Variants in PYGO1 observed in about 807,000 individuals in gnomAD.
PYGO1 encodes pygopus homolog 1.
In PYGO1, 6 loss-of-function variants were observed where a neutral mutation model predicts 29.5. The observed-to-expected ratio is 0.20, with a 90% confidence interval of 0.11 to 0.40. PYGO1 has a LOEUF of 0.40. Among genes scored for constraint, PYGO1 ranks in the 10% least tolerant of loss-of-function variants. PYGO1 has a pLI of 1.00. For synonymous variants in PYGO1, 186 were observed against 180.5 expected (o/e 1.03, Z -0.24); for missense variants, 515 against 514.9 (o/e 1.00, Z 0.00).
chr15:55,549,654 T>TAAA (rs2058870110), intron 1 of PYGO1, among the ~76,000 whole-genome samples: 1 of 152,206 alleles, frequency 6.6e-6, no homozygotes, highest in African/African-American at 2.4e-5. Flanking sequence ...ATGTGCCTTT[T>TAAA]AATTCTTAAA....
intron 1 of PYGO1, among the ~76,000 whole-genome samples, chr15:55,571,008 GCAA>G (rs2058977848): frequency 6.6e-6 from 1 of 152,020 alleles, no homozygotes; most frequent in Non-Finnish European, 1.5e-5. Flanking sequence ...TATCCATCAA[GCAA>G]CAACTCCCCA....
At chr15:55,556,380 C>T (rs573228322) in intron 1 of PYGO1, among the ~76,000 whole-genome samples, 1 of 152,212 alleles carries the variant, frequency 6.6e-6, no homozygotes, top group South Asian at 2.1e-4. Context: ...GAAAACTGAA[C>T]AACCTGCTCC....
At chr15:55,561,691 T>A (rs7164208) in intron 1 of PYGO1, among the ~76,000 whole-genome samples, 17,945 of 152,122 alleles carry the variant, frequency 0.12, 2,017 homozygotes, top group East Asian at 0.37. Context: ...TCCTTACACC[T>A]TGCACAAAAA....
intron 1 of PYGO1, among the ~76,000 whole-genome samples, chr15:55,557,023 C>G (rs879291645): frequency 1.0e-3 from 154 of 151,774 alleles, no homozygotes; most frequent in Non-Finnish European, 1.6e-3. Context: ...CAAAGAAGCC[C>G]AGGACCAGAC....
rs2058941487 is a variant in PYGO1, at chr15:55,563,363, ATTCT to A, written c.50-14372_50-14369del. 2.2e-5 allele frequency among the ~76,000 whole-genome samples: 3 copies of A among 136,332 alleles called. No individual in the cohort carries two copies. In the South Asian group the frequency reaches 7.8e-4, roughly 36 times the overall value. 89.4% of individuals were successfully genotyped at this position (136,332 alleles called of 152,430 possible). A position where few individuals can be genotyped will look rare whatever the true frequency, so the allele number is the denominator to read the frequency against. On this transcript the variant is annotated intron_variant, in intron 1 of 2. Coordinates refer to ENST00000563719, the MANE Select transcript of PYGO1 (RefSeq NM_001367806.1). ...AGGTGGTGGTTGGTTACATGAATAA[ATTCT>A]TTTTTTTTTTTTTTTTTGAGACGAA...
At chr15:55,564,031 TAA>T (rs1240345146) in intron 1 of PYGO1, among the ~76,000 whole-genome samples, 1 of 152,070 alleles carries the variant, frequency 6.6e-6, no homozygotes, top group African/African-American at 2.4e-5. Flanking sequence ...AAGTAAAACA[TAA>T]AGTTATCATA....
At chr15:55,563,472 T>G (rs987188761) in intron 1 of PYGO1, among the ~76,000 whole-genome samples, 2 of 151,618 alleles carry the variant, frequency 1.3e-5, no homozygotes, top group African/African-American at 4.8e-5. Flanking sequence ...GTTCACGTGA[T>G]TCTCCTGCCT....
Position 55,546,420 on chromosome 15 carries a change from C to A in PYGO1, c.863G>T (p.Arg288Leu). 2 of 1,614,086 alleles carry A rather than the reference C, an allele frequency of 1.2e-6. No individual in the cohort carries two copies. Among genetic ancestry groups the A allele is most frequent in the Non-Finnish European group, 1.7e-6 (2 of 1,179,984 alleles). ...RNNAVNQENSRSSSTEATNNN... is the reference protein window; with the variant it reads ...RNNAVNQENSLSSSTEATNNN... ...GTTTGTGGCTTCAGTGCTACTTGAA[C>A]GGCTGTTCTCCTGATTTACTGCATT... The change falls in exon 3 of 3, where the codon CGT (arginine) becomes CTT (leucine). Residue 288 changes from arginine to leucine, a missense_variant. Coordinates refer to ENST00000563719, the MANE Select transcript of PYGO1 (RefSeq NM_001367806.1).
At chr15:55,575,035 G>T (rs757025529) in intron 1 of PYGO1, among the ~76,000 whole-genome samples, 1 of 152,172 alleles carries the variant, frequency 6.6e-6, no homozygotes, top group Admixed American at 6.5e-5. Context: ...GATCCTCAAA[G>T]AATTCTATGG....
chr15:55,547,271 T>A, intron 2 of PYGO1, 124 bp from the exon 3 acceptor site: 1 of 742,302 alleles, frequency 1.3e-6, no homozygotes, highest in African/African-American at 1.8e-5. Context: ...TAACAAACAT[T>A]TATTATCTTC....
intron 2 of PYGO1, among the ~76,000 whole-genome samples, chr15:55,547,549 A>G (rs1218258208): frequency 6.6e-6 from 1 of 152,224 alleles, no homozygotes; most frequent in African/African-American, 2.4e-5. Context: ...AAACAGTCAT[A>G]AAGTTAAATA....
At chr15:55,547,382 T>C (rs1394795216) in intron 2 of PYGO1, among the ~76,000 whole-genome samples, 1 of 152,210 alleles carries the variant, frequency 6.6e-6, no homozygotes, top group African/African-American at 2.4e-5. Flanking sequence ...AGTATGATTT[T>C]CTGAGCTCAA....
At chr15:55,582,774 T>G (rs2059030560) in intron 1 of PYGO1, among the ~76,000 whole-genome samples, 1 of 152,162 alleles carries the variant, frequency 6.6e-6, no homozygotes. Flanking sequence ...TCTGCCTAGC[T>G]CTTACATGGA....
Position 55,587,823 on chromosome 15 carries a change from CT to C in PYGO1, c.49+11del. ...ACCCCGGTTCCCCCAATCCGGCACCCTTCTCGGTTACCTCGAACTCTCTTCA... is the reference window on the plus strand; with the variant it reads ...ACCCCGGTTCCCCCAATCCGGCACCCTCTCGGTTACCTCGAACTCTCTTCA... On this transcript the variant is annotated intron_variant, in intron 1 of 2. Transcript: ENST00000563719. 6.7e-7 allele frequency: 1 copy of C among 1,489,132 alleles called. No individual in the cohort carries two copies. The highest frequency in any genetic ancestry group is 8.9e-7 in the Non-Finnish European group (1 of 1,122,004). The allele number at this position is 1,489,132 out of a possible 1,614,324, so 92.2% of individuals were successfully genotyped here.
rs568858687 is a variant in PYGO1 at position 55,548,643 on chromosome 15, T to C, written c.135+267A>G. Reference sequence around the variant, plus strand: ...ATCGCTTCAACCTGGGAGGTGGAGGTTGCAGTGAGCTGAGATCACCCCACT... The same window carrying C: ...ATCGCTTCAACCTGGGAGGTGGAGGCTGCAGTGAGCTGAGATCACCCCACT... On this transcript the variant is annotated intron_variant, in intron 2 of 2. Coordinates refer to ENST00000563719, the MANE Select transcript of PYGO1 (RefSeq NM_001367806.1). Among the ~76,000 whole-genome samples the C allele has an allele frequency of 3.0e-5, 4 of 132,144 alleles. No homozygotes were observed. In the East Asian group the frequency reaches 7.2e-4, roughly 24 times the overall value. The allele number at this position is 132,144 out of a possible 152,430, so 86.7% of individuals were successfully genotyped here.
rs539972100 is a variant in PYGO1 at position 55,565,765 on chromosome 15, T to C, written c.50-16770A>G. 2.3e-4 allele frequency among the ~76,000 whole-genome samples: 35 copies of C among 152,164 alleles called. 1 individual carries two copies. Among genetic ancestry groups the C allele is most frequent in the Admixed American group, 7.2e-4 (11 of 15,270 alleles). On this transcript the variant is annotated intron_variant, in intron 1 of 2. Transcript: ENST00000563719. ...AAAAAGAAACATATTTATTTCCTTT[T>C]CCATGTATGTCCTTTGCCATTTTTT...
intron 1 of PYGO1, among the ~76,000 whole-genome samples, chr15:55,583,334 G>T: frequency 6.7e-6 from 1 of 149,828 alleles, no homozygotes. Context: ...TCTACAATGG[G>T]TTCTTCTGTA....
intron 1 of PYGO1, among the ~76,000 whole-genome samples, chr15:55,562,664 C>T (rs1431155486): frequency 4.1e-5 from 2 of 48,344 alleles, no homozygotes; most frequent in African/African-American, 1.4e-4. Context: ...GAGCAAGACT[C>T]CAACTCAAAA....
intron 1 of PYGO1, among the ~76,000 whole-genome samples, chr15:55,579,193 A>G (rs766820355): frequency 6.6e-6 from 1 of 152,188 alleles, no homozygotes; most frequent in Non-Finnish European, 1.5e-5. Flanking sequence ...GCAGATTAAT[A>G]ATTTGCATGC....
Sources: allele counts gnomAD v4.1 joint callset (sites outside exome capture counted in the v4.1 genomes callset), GRCh38; gene constraint gnomAD v4.1.1; transcripts MANE v1.5; gene names NCBI Gene and HGNC (gene_info 2026-07-23, HGNC 2026-07-21).